Variants in MTMR8 observed in about 807,000 individuals in gnomAD.
MTMR8 encodes the protein myotubularin related protein 8.
MTMR8 carries 65 observed loss-of-function variants against 39.3 expected under a neutral mutation model. The ratio of observed to expected loss-of-function variants is 1.65; its 90% CI spans 1.35 to 2.03. The LOEUF is 2.03. Among genes scored for constraint, MTMR8 ranks in the 30% most tolerant of loss-of-function variants. MTMR8 has a pLI of 0.00. For synonymous variants in MTMR8, 245 were observed against 185.2 expected, an observed-to-expected ratio of 1.32 and a Z score of -2.62; for missense variants, 777 against 538.9, an observed-to-expected ratio of 1.44 and a Z score of -4.37.
intron 1 of MTMR8, among the ~76,000 whole-genome samples, chrX:64,360,939 GA>G (rs1923763331): frequency 1.8e-5 from 2 of 111,147 alleles, no homozygotes; most frequent in South Asian, 3.7e-4. Context: ...TTTAAAACCA[GA>G]GAATCCTCCT....
rs1435129813 is a variant in MTMR8, at chrX:64,268,731, A to G, written c.1921T>C (p.Cys641Arg). Residue 641 changes from cysteine (C) to arginine (R), a missense_variant, in exon 14 of 14, where the codon TGC becomes CGC. Cys to Arg is a radical substitution (Grantham distance 180). Transcript: ENST00000374852. ...GAGAAGCCCGTAGCCTCAAAGGTGC[A>G]CATGTCTCCAGAGATGCCCATGGCC... ...SEAMGISGDM[C>R]TFEATGFSKD... is the part of the protein sequence containing the mutation. 1.3e-5 allele frequency: 16 copies of G among 1,209,652 alleles called. No homozygotes were observed. In the Admixed American group the frequency reaches 3.5e-4, roughly 26 times the overall value.
chrX:64,392,982 C>T (rs1028716741), intron 1 of MTMR8, among the ~76,000 whole-genome samples: 2 of 111,902 alleles, frequency 1.8e-5, no homozygotes, highest in Admixed American at 9.5e-5. Flanking sequence ...CAGCATACCA[C>T]CTGTGGGCAC....
intron 12 of MTMR8, among the ~76,000 whole-genome samples, chrX:64,301,017 CTTCAT>C (rs1280466875): frequency 9.5e-6 from 1 of 105,116 alleles, no homozygotes; most frequent in African/African-American, 3.5e-5. Flanking sequence ...ACATTTTTTC[CTTCAT>C]TTCAACTTTG....
intron 5 of MTMR8, 80 bp from the exon 6 acceptor site, chrX:64,348,874 T>C: frequency 9.3e-7 from 1 of 1,079,834 alleles, no homozygotes; most frequent in South Asian, 2.0e-5. Context: ...CCAGGTTCCA[T>C]GAGTAGAGGG....
chrX:64,356,280 G>A lies in MTMR8; in HGVS notation c.206C>T (p.Pro69Leu), dbSNP rs1285215181. The A allele has an allele frequency of 2.5e-6, 3 of 1,207,726 alleles. No individual in the cohort carries two copies. Among genetic ancestry groups the A allele is most frequent in the African/African-American group, 1.8e-5 (1 of 56,947 alleles). ...EKLPITSLGC[P>L]LTLRCKNFRV... ...GAAATTCTTGCAGCGGAGGGTCAGGGGACAACCCAGGCTAGTGATGGGTAA... is the reference window on the plus strand; with the variant it reads ...GAAATTCTTGCAGCGGAGGGTCAGGAGACAACCCAGGCTAGTGATGGGTAA... The change falls in exon 3 of 14, where the codon CCC becomes CTC. Residue 69 changes from proline to leucine, a missense_variant. Physicochemically the swap from Pro to Leu is moderately conservative, Grantham distance 98. Coordinates refer to ENST00000374852, the MANE Select transcript of MTMR8 (RefSeq NM_017677.4).
intron 12 of MTMR8, among the ~76,000 whole-genome samples, chrX:64,318,195 C>T (rs1389807051): frequency 1.8e-5 from 2 of 112,064 alleles, no homozygotes; most frequent in African/African-American, 6.5e-5. Flanking sequence ...ATTTAAATTC[C>T]AACTCCCCAC....
chrX:64,370,662 C>T (rs1272245615), intron 1 of MTMR8, among the ~76,000 whole-genome samples: 1 of 112,158 alleles, frequency 8.9e-6, no homozygotes, highest in African/African-American at 3.2e-5. Context: ...CAGTCAACAA[C>T]GTACCACAAA....
At chrX:64,351,838 C>T (rs1296684611) in intron 4 of MTMR8, among the ~76,000 whole-genome samples, 1 of 111,085 alleles carries the variant, frequency 9.0e-6, no homozygotes, top group African/African-American at 3.3e-5. Context: ...CTTCTTCTGC[C>T]TGCTTTTTCT....
intron 12 of MTMR8, among the ~76,000 whole-genome samples, chrX:64,278,188 C>T (rs1006058548): frequency 9.2e-6 from 1 of 108,382 alleles, no homozygotes; most frequent in Middle Eastern, 4.3e-3. Flanking sequence ...TCCTTTAGCT[C>T]GGAAGAGTTT....
chrX:64,299,031 T>A (rs1327035403), intron 12 of MTMR8, among the ~76,000 whole-genome samples: 1 of 65,829 alleles, frequency 1.5e-5, no homozygotes, highest in African/African-American at 8.9e-5. Flanking sequence ...GATATTGGTC[T>A]AAAATTCTCT....
intron 12 of MTMR8, among the ~76,000 whole-genome samples, chrX:64,296,735 C>T (rs1246405362): frequency 9.5e-6 from 1 of 105,250 alleles, no homozygotes; most frequent in Non-Finnish European, 2.0e-5. Context: ...TCCCCCTCCC[C>T]CGCCCCCAAC....
chrX:64,394,341 C>T (rs753168996), intron 1 of MTMR8, among the ~76,000 whole-genome samples: 1 of 111,676 alleles, frequency 9.0e-6, no homozygotes, highest in South Asian at 3.8e-4. Context: ...AAAGCTAAGG[C>T]TCAGAGAGGT....
chrX:64,390,394 C>T (rs1924662909), intron 1 of MTMR8, among the ~76,000 whole-genome samples: 1 of 112,036 alleles, frequency 8.9e-6, no homozygotes, highest in African/African-American at 3.2e-5. Flanking sequence ...ATCTGGCACT[C>T]CAATTATTTT....
chrX:64,287,547 G>A (rs1158688676), intron 12 of MTMR8, among the ~76,000 whole-genome samples: 14 of 110,817 alleles, frequency 1.3e-4, no homozygotes, highest in African/African-American at 2.0e-4. Context: ...GAGGCATCAC[G>A]CTACCTGACT....
chrX:64,310,719 C>G (rs1447417265), intron 12 of MTMR8, among the ~76,000 whole-genome samples: 1 of 109,850 alleles, frequency 9.1e-6, no homozygotes, highest in Non-Finnish European at 1.9e-5. Flanking sequence ...TCTCATTGTT[C>G]AATTCCCACC....
intron 1 of MTMR8, among the ~76,000 whole-genome samples, chrX:64,381,048 T>G (rs897232097): frequency 2.1e-4 from 24 of 112,220 alleles, no homozygotes; most frequent in African/African-American, 6.8e-4. Flanking sequence ...AGTGCCGCAA[T>G]AAACATATGT....
chrX:64,372,010 G>A (rs1240269872), intron 1 of MTMR8, among the ~76,000 whole-genome samples: 1 of 108,290 alleles, frequency 9.2e-6, no homozygotes, highest in Non-Finnish European at 1.9e-5. Flanking sequence ...AACAATGTAG[G>A]TATGCATACC....
At chrX:64,348,519 T>C in intron 6 of MTMR8, 141 bp downstream of exon 6, 1 of 794,732 alleles carries the variant, frequency 1.3e-6, no homozygotes, top group Admixed American at 3.3e-5. Flanking sequence ...AATGGCTTCC[T>C]GAAATGATTT....
intron 12 of MTMR8, chrX:64,305,614 G>A (rs1055980250): frequency 8.6e-5 from 45 of 524,270 alleles, no homozygotes; most frequent in Middle Eastern, 1.1e-3. Flanking sequence ...ACCACCCGGC[G>A]GCTGAGAAGA....
Sources: allele counts gnomAD v4.1 joint callset (sites outside exome capture counted in the v4.1 genomes callset), GRCh38; gene constraint gnomAD v4.1.1; transcripts MANE v1.5; gene names NCBI Gene and HGNC (gene_info 2026-07-23, HGNC 2026-07-21).